Variants in IGSF10 observed in about 807,000 individuals in gnomAD.
The protein encoded by IGSF10 is immunoglobulin superfamily member 10.
Under a neutral mutation model 128.2 loss-of-function variants are expected in IGSF10, and 126 were observed. The observed-to-expected ratio is 0.98, with a 90% confidence interval of 0.85 to 1.14. IGSF10 has a LOEUF of 1.14. Among genes scored for constraint, IGSF10 ranks in the 50% most tolerant of loss-of-function variants. The pLI, the probability that IGSF10 is intolerant of heterozygous loss-of-function variation, is 0.00. For missense variants in IGSF10, 3,295 were observed against 3,149.8 expected (o/e 1.05, Z -1.10); for synonymous variants, 1,185 against 1,146.2 (o/e 1.03, Z -0.68).
At chr3:151,478,932 G>T in the IGSF10 span, among the ~76,000 whole-genome samples, 1 of 152,014 alleles carries the variant, frequency 6.6e-6, no homozygotes, top group Non-Finnish European at 1.5e-5. Flanking sequence ...AAATATCAAG[G>T]GTAAGATTCA....
At chr3:151,552,928 A>T in the IGSF10 span, among the ~76,000 whole-genome samples, 1 of 152,116 alleles carries the variant, frequency 6.6e-6, no homozygotes, top group African/African-American at 2.4e-5. Context: ...CATAATTTTT[A>T]AGGACCCCAT....
chr3:151,493,725 A>G, the IGSF10 span, among the ~76,000 whole-genome samples: 3 of 152,126 alleles, frequency 2.0e-5, no homozygotes, highest in Non-Finnish European at 2.9e-5. Context: ...AAATTGCCTA[A>G]GGACACATTT....
In IGSF10 at chr3:151,445,572, G is replaced by A. The variant is rs773345457; in HGVS notation, c.4409C>T (p.Ala1470Val). The change falls in exon 6 of 8, where the codon GCT becomes GTT. Residue 1470 changes from alanine to valine, a missense_variant. Transcript: ENST00000282466. ...GGAGATGGGAACTGGCATTAGAGTAGCACTGCTGCTCAAGAATGGTGGTAT... is the reference window on the plus strand; with the variant it reads ...GGAGATGGGAACTGGCATTAGAGTAACACTGCTGCTCAAGAATGGTGGTAT... ...STIPPFLSSSATLMPVPISPP... is the reference protein window; with the variant it reads ...STIPPFLSSSVTLMPVPISPP... The A allele has an allele frequency of 1.2e-6, 2 of 1,614,146 alleles. No individual in the cohort carries two copies. The highest frequency in any genetic ancestry group is 2.2e-5 in the South Asian group (2 of 91,086).
intron 7 of IGSF10, among the ~76,000 whole-genome samples, chr3:151,441,431 T>C (rs1232517501): frequency 6.6e-6 from 1 of 152,188 alleles, no homozygotes. Context: ...TAGGTGATTT[T>C]TGATGACATT....
At chr3:151,619,244 A>T in the IGSF10 span, among the ~76,000 whole-genome samples, 2 of 152,134 alleles carry the variant, frequency 1.3e-5, no homozygotes, top group Non-Finnish European at 2.9e-5. Flanking sequence ...TCGCTTATCC[A>T]TTGGCCTCCC....
the IGSF10 span, among the ~76,000 whole-genome samples, chr3:151,525,002 C>CTTTTTTT: frequency 2.0e-5 from 1 of 49,738 alleles, no homozygotes; most frequent in South Asian, 1.2e-3. Context: ...TGCATTACAC[C>CTTTTTTT]TTTTTTTTTT....
the IGSF10 span, among the ~76,000 whole-genome samples, chr3:151,609,562 A>C: frequency 1.3e-5 from 2 of 152,120 alleles, no homozygotes; most frequent in Admixed American, 6.6e-5. Context: ...TCAGCACAGC[A>C]CTATTCACAA....
the IGSF10 span, among the ~76,000 whole-genome samples, chr3:151,549,408 C>T: frequency 1.3e-5 from 2 of 152,194 alleles, no homozygotes; most frequent in African/African-American, 4.8e-5. Flanking sequence ...ATGGACTTGG[C>T]ATATAACATG....
intron 3 of IGSF10, 148 bp downstream of exon 3, chr3:151,458,368 A>G: frequency 1.7e-6 from 1 of 579,378 alleles, no homozygotes; most frequent in Non-Finnish European, 2.7e-6. Context: ...ATTGCCCCCA[A>G]CAAACAAAAT....
At position 151,438,350 on chromosome 3, in the gene IGSF10, A is replaced by G. The variant is rs886431262; in HGVS notation, c.6211T>C (p.Ser2071Pro). The change falls in exon 8 of 8, where the codon TCT (serine) becomes CCT (proline). Residue 2071 changes from serine (S) to proline (P), a missense_variant. Ser to Pro is a moderately conservative substitution (Grantham distance 74, BLOSUM62 -1). Transcript: ENST00000282466. ...KASGSPVPEI[S>P]WSLPDGTMIN... ...ATGGTTCCATCAGGCAAACTCCAAG[A>G]TATCTCTGGCACTGGGGAGCCGGAA... The G allele has an allele frequency of 1.9e-6, 3 of 1,614,162 alleles. No homozygotes were observed. The highest frequency in any genetic ancestry group is 3.3e-5 in the Admixed American group (2 of 60,022).
the IGSF10 span, among the ~76,000 whole-genome samples, chr3:151,616,808 T>C: frequency 6.6e-6 from 1 of 152,226 alleles, no homozygotes; most frequent in Non-Finnish European, 1.5e-5. Context: ...TCTGTTGCTA[T>C]AACTGAATAT....
At position 151,458,570 on chromosome 3, in the gene IGSF10, T is replaced by C; in HGVS notation, c.140A>G (p.Tyr47Cys). The C allele has an allele frequency of 6.2e-7, 1 of 1,614,112 alleles. No homozygotes were observed. The highest frequency in any genetic ancestry group is 8.5e-7 in the Non-Finnish European group (1 of 1,180,020). Residue 47 changes from tyrosine (Y) to cysteine (C), a missense_variant, in exon 3 of 8, where the codon TAC (tyrosine) becomes TGC (cysteine). Coordinates refer to ENST00000282466, the MANE Select transcript of IGSF10 (RefSeq NM_178822.5). ...GATGCTGTCTGGGATGGAAGTCAGG[T>C]ACCGAAATGTGCAGTGTACCTCCGT... ...MPTEVHCTFR[Y>C]LTSIPDSIPP...
chr3:151,449,154 G>C lies in IGSF10; in HGVS notation c.827C>G (p.Ala276Gly). ...AATGGTTGGCTTGGCACACTGGAAA[G>C]CTGCAGCTGAGACCATAGCTAACGG... ...GKPLAMVSAAAFQCAKPTIDS... is the reference protein window; with the variant it reads ...GKPLAMVSAAGFQCAKPTIDS... Residue 276 changes from alanine to glycine, a missense_variant, in exon 6 of 8, where the codon GCT becomes GGT. Coordinates refer to ENST00000282466, the MANE Select transcript of IGSF10 (RefSeq NM_178822.5). The C allele has an allele frequency of 6.2e-7, 1 of 1,614,206 alleles. No individual in the cohort carries two copies.
At chr3:151,462,213 T>A (rs543692764), upstream of IGSF10, among the ~76,000 whole-genome samples, 6 of 152,160 alleles carry the variant, frequency 3.9e-5, no homozygotes, top group Non-Finnish European at 7.3e-5. Context: ...CACTTAAGCT[T>A]TTGATGACAA....
intron 3 of IGSF10, among the ~76,000 whole-genome samples, chr3:151,458,223 A>C (rs1390897892): frequency 6.6e-6 from 1 of 151,962 alleles, no homozygotes; most frequent in Non-Finnish European, 1.5e-5. Context: ...AGTTAACAGA[A>C]ACTATATCAT....
At chr3:151,537,649 T>C in the IGSF10 span, among the ~76,000 whole-genome samples, 1 of 152,232 alleles carries the variant, frequency 6.6e-6, no homozygotes, top group Non-Finnish European at 1.5e-5. Flanking sequence ...TAGTCTGTAA[T>C]GGCCTGTTAT....
chr3:151,612,908 T>G, the IGSF10 span, among the ~76,000 whole-genome samples: 1 of 152,188 alleles, frequency 6.6e-6, no homozygotes, highest in Non-Finnish European at 1.5e-5. Flanking sequence ...TCAGATACTA[T>G]CATCTGCTTT....
rs1252274584 is a variant in IGSF10, at chr3:151,438,479, G to T, written c.6082C>A (p.Leu2028Met). The T allele has an allele frequency of 6.2e-7, 1 of 1,613,992 alleles. No homozygotes were observed. The highest frequency in any genetic ancestry group is 1.3e-5 in the African/African-American group (1 of 74,894). The change falls in exon 8 of 8, where the codon CTG becomes ATG. Residue 2028 changes from leucine to methionine, a missense_variant. Transcript: ENST00000282466. Reference sequence around the variant, plus strand: ...TTCAGTCTTAGGCTAACATGCATCAGTATCAGATCATCCCCCATTTTGTTT... The same window carrying T: ...TTCAGTCTTAGGCTAACATGCATCATTATCAGATCATCCCCCATTTTGTTT... Reference protein sequence around the residue: ...ARNKMGDDLILMHVSLRLKPA... With the variant: ...ARNKMGDDLIMMHVSLRLKPA...
At chr3:151,484,074 A>C in the IGSF10 span, among the ~76,000 whole-genome samples, 1 of 152,202 alleles carries the variant, frequency 6.6e-6, no homozygotes, top group African/African-American at 2.4e-5. Flanking sequence ...ATGCCAGCAC[A>C]GCAGTCTGAG....
Sources: allele counts gnomAD v4.1 joint callset (sites outside exome capture counted in the v4.1 genomes callset), GRCh38; gene constraint gnomAD v4.1.1; transcripts MANE v1.5; gene names NCBI Gene and HGNC (gene_info 2026-07-23, HGNC 2026-07-21).